The following NAALADL2 variants were observed in gnomAD, a reference collection of about 807,000 sequenced individuals.
NAALADL2 encodes the protein inactive N-acetylated-alpha-linked acidic dipeptidase-like protein 2.
Under a neutral mutation model 87.2 loss-of-function variants are expected in NAALADL2, and 76 were observed. That is an observed-to-expected ratio of 0.87 (90% CI 0.72 to 1.05). The LOEUF (loss-of-function observed/expected upper bound fraction) is 1.05, where lower values mean the gene tolerates loss of function less well. NAALADL2 is among the 50% of genes least tolerant of loss of function. The pLI, the probability that NAALADL2 is intolerant of heterozygous loss-of-function variation, is 0.00. For missense variants in NAALADL2, 1,089 were observed against 945.8 expected (o/e 1.15, Z -1.99); for synonymous variants, 354 against 331.0 (o/e 1.07, Z -0.75).
chr3:175,021,684 A>C (rs9835639), intron 1 of NAALADL2, among the ~76,000 whole-genome samples: 37,021 of 151,966 alleles, frequency 0.24, 6,857 homozygotes, highest in African/African-American at 0.52. Context: ...GCCTTTTATA[A>C]CTTTTTGCTT....
At chr3:174,628,474 C>CAAA (rs5854584) in intron 2 of NAALADL2, among the ~76,000 whole-genome samples, 45 of 86,572 alleles carry the variant, frequency 5.2e-4, no homozygotes, top group African/African-American at 1.7e-3. Context: ...GAGACTGTCT[C>CAAA]AAAAAAAAAA....
intron 9 of NAALADL2, among the ~76,000 whole-genome samples, chr3:175,528,006 A>G (rs556786744): frequency 6.6e-6 from 1 of 152,262 alleles, no homozygotes; most frequent in South Asian, 2.1e-4. Context: ...GGCACTCTGT[A>G]CAGGGTTTAG....
chr3:174,617,943 C>T (rs193059523), intron 2 of NAALADL2, among the ~76,000 whole-genome samples: 2 of 151,738 alleles, frequency 1.3e-5, no homozygotes, highest in African/African-American at 4.8e-5. Flanking sequence ...TAAAAAGGAT[C>T]GTAACTAGTT....
At chr3:175,001,377 T>C (rs1748209475) in intron 1 of NAALADL2, among the ~76,000 whole-genome samples, 1 of 152,170 alleles carries the variant, frequency 6.6e-6, no homozygotes, top group Non-Finnish European at 1.5e-5. Flanking sequence ...TGAATCAGAA[T>C]CTACATTTTA....
intron 10 of NAALADL2, among the ~76,000 whole-genome samples, chr3:175,596,712 C>A (rs187121195): frequency 6.6e-6 from 1 of 151,672 alleles, no homozygotes; most frequent in East Asian, 1.9e-4. Flanking sequence ...ATAAAATATC[C>A]CTAGTTTTTT....
intron 4 of NAALADL2, among the ~76,000 whole-genome samples, chr3:175,292,651 C>T (rs1046729238): frequency 6.6e-6 from 1 of 151,042 alleles, no homozygotes; most frequent in Non-Finnish European, 1.5e-5. Flanking sequence ...TTACCATATT[C>T]ATTCTGGAGT....
intron 13 of NAALADL2, among the ~76,000 whole-genome samples, chr3:175,763,861 A>G (rs1468898904): frequency 2.0e-5 from 3 of 152,118 alleles, no homozygotes; most frequent in African/African-American, 7.2e-5. Context: ...CTGCTGCATT[A>G]CTGTGGTGAG....
At chr3:174,451,401 G>C (rs189108633) in intron 1 of NAALADL2, among the ~76,000 whole-genome samples, 2 of 152,222 alleles carry the variant, frequency 1.3e-5, no homozygotes, top group East Asian at 3.9e-4. Context: ...AATTGTGTGG[G>C]TTTTCATGTA....
chr3:175,683,644 T>C (rs1237067528), intron 11 of NAALADL2, among the ~76,000 whole-genome samples: 2 of 151,966 alleles, frequency 1.3e-5, no homozygotes, highest in Non-Finnish European at 2.9e-5. Context: ...CCTTGCCTTG[T>C]CCATAGAAAA....
rs149676057 is a variant in NAALADL2, at chr3:174,442,195, G to A, written c.-184+1163G>A. 4.0e-3 allele frequency among the ~76,000 whole-genome samples: 612 copies of A among 152,256 alleles called. 8 individuals carry two copies. Among genetic ancestry groups the A allele is most frequent in the African/African-American group, 0.014 (578 of 41,544 alleles). ...TCCTGTCCTCAGGAGAAGGGACCAT[G>A]GTGAGCACTGGCTTAATCCTACGAA... On this transcript the variant is annotated intron_variant, in intron 1 of 3. Coordinates refer to the NAALADL2 transcript ENST00000434257.
intron 1 of NAALADL2, among the ~76,000 whole-genome samples, chr3:175,073,091 G>C (rs1319833802): frequency 6.6e-6 from 1 of 151,998 alleles, no homozygotes. Context: ...CCACAAATCT[G>C]TTGGCACTCA....
chr3:175,066,014 C>A (rs115712217), intron 1 of NAALADL2, among the ~76,000 whole-genome samples: 1 of 152,016 alleles, frequency 6.6e-6, no homozygotes, highest in Non-Finnish European at 1.5e-5. Context: ...ACAGTGTAAC[C>A]GAATGCACTT....
chr3:175,715,404 G>C (rs1741097061), intron 11 of NAALADL2, among the ~76,000 whole-genome samples: 1 of 152,032 alleles, frequency 6.6e-6, no homozygotes, highest in Non-Finnish European at 1.5e-5. Flanking sequence ...TCTCTAATTG[G>C]TACATATATG....
chr3:175,660,185 C>T (rs1207920785), intron 11 of NAALADL2, among the ~76,000 whole-genome samples: 1 of 152,054 alleles, frequency 6.6e-6, no homozygotes, highest in Non-Finnish European at 1.5e-5. Context: ...TCCTAAAGTC[C>T]CCACCTCTTG....
At chr3:175,583,482 A>G (rs1420817415) in intron 10 of NAALADL2, among the ~76,000 whole-genome samples, 1 of 120,342 alleles carries the variant, frequency 8.3e-6, no homozygotes, top group Non-Finnish European at 1.8e-5. Context: ...ATCTGAAAGG[A>G]TGAGCTGCAA....
chr3:175,696,558 A>G (rs976683646), intron 11 of NAALADL2, among the ~76,000 whole-genome samples: 4 of 151,992 alleles, frequency 2.6e-5, no homozygotes, highest in African/African-American at 9.7e-5. Flanking sequence ...ATTGTAGGAT[A>G]TACAGATGCA....
chr3:175,627,233 C>T, intron 10 of NAALADL2, 58 bp from the exon 11 acceptor site: 1 of 1,356,698 alleles, frequency 7.4e-7, no homozygotes, highest in Non-Finnish European at 1.0e-6. Flanking sequence ...ATCCAATAAA[C>T]ACTTGAAAAA....
In NAALADL2 at chr3:175,083,365, G is replaced by A. The variant is rs570505541; in HGVS notation, c.44-13425G>A. Among the ~76,000 whole-genome samples, 362 of 152,266 alleles carry A rather than the reference G, an allele frequency of 2.4e-3. 1 individual carries two copies. Among genetic ancestry groups the A allele is most frequent in the Non-Finnish European group, 3.8e-3 (256 of 68,012 alleles). On this transcript the variant is annotated intron_variant, in intron 1 of 13. Transcript: ENST00000454872. Reference sequence around the variant, plus strand: ...TGTTCAGAATTTGGGGTGTCTGGGCGTGTGCATACATGTGAAAGAATGATT... The same window carrying A: ...TGTTCAGAATTTGGGGTGTCTGGGCATGTGCATACATGTGAAAGAATGATT...
At chr3:174,984,077 G>A (rs1257378333) in intron 1 of NAALADL2, among the ~76,000 whole-genome samples, 2 of 151,648 alleles carry the variant, frequency 1.3e-5, no homozygotes, top group Admixed American at 6.6e-5. Context: ...ATTATGATTA[G>A]TAAAACAAAT....
Sources: gnomAD v4.1 joint callset for allele counts (sites outside exome capture counted in the v4.1 genomes callset) on GRCh38, gnomAD v4.1.1 for gene constraint, MANE v1.5 for transcripts, NCBI Gene and HGNC (gene_info 2026-07-23, HGNC 2026-07-21) for gene names.